Variants in SORBS2 observed in about 807,000 individuals in gnomAD.
SORBS2 encodes sorbin and SH3 domain-containing protein 2.
SORBS2 carries 46 observed loss-of-function variants against 97.7 expected under a neutral mutation model. The ratio of observed to expected loss-of-function variants is 0.47; its 90% confidence interval spans 0.37 to 0.60. SORBS2 has a LOEUF of 0.60. Among genes scored for constraint, SORBS2 ranks in the 20% least tolerant of loss-of-function variants. The pLI, the probability that SORBS2 is intolerant of heterozygous loss-of-function variation, is 0.00. For missense variants in SORBS2, 1,316 were observed against 1,282.3 expected, an observed-to-expected ratio of 1.03 and a Z score of -0.40; for synonymous variants, 476 against 473.4, an observed-to-expected ratio of 1.01 and a Z score of -0.07.
At chr4:185,948,549 G>C (rs532224343) in intron 1 of SORBS2, among the ~76,000 whole-genome samples, 2 of 107,266 alleles carry the variant, frequency 1.9e-5, no homozygotes, top group Admixed American at 1.4e-4. Flanking sequence ...ATAGAGTCTT[G>C]CTCCATTGCC....
rs140799832 is a variant in SORBS2, at chr4:185,750,569, A to G, written c.-198+24658T>C. On this transcript the variant is annotated intron_variant, in intron 2 of 20. Coordinates refer to the SORBS2 transcript ENST00000284776. ...ATCAATTGCTGCTGTGCAGTCCCCA[A>G]CATCCGATCCTTGCTGAAGTTTATT... is the stretch of plus-strand genomic sequence containing the variant. Among the ~76,000 whole-genome samples the G allele has an allele frequency of 1.6e-4, 24 of 152,352 alleles. No homozygotes were observed. In the East Asian group the frequency reaches 3.9e-3, roughly 24 times the overall value.
At chr4:185,622,733 C>T (rs1278668121) in intron 7 of SORBS2, among the ~76,000 whole-genome samples, 181 bp downstream of exon 19, 2 of 152,186 alleles carry the variant, frequency 1.3e-5, no homozygotes, top group Non-Finnish European at 2.9e-5. Flanking sequence ...GTCCAAATAT[C>T]ACATGGGCAA....
At chr4:185,638,379 C>A (rs1352463804) in intron 4 of SORBS2, among the ~76,000 whole-genome samples, 1 of 152,174 alleles carries the variant, frequency 6.6e-6, no homozygotes, top group African/African-American at 2.4e-5. Context: ...CTAGCTGTTT[C>A]CTGCGTCCAT....
intron 11 of SORBS2, among the ~76,000 whole-genome samples, chr4:185,614,323 A>G (rs1175869234): frequency 6.6e-6 from 1 of 151,808 alleles, no homozygotes; most frequent in African/African-American, 2.4e-5. Context: ...AATTTGGGTC[A>G]ATTATGAGGC....
At chr4:185,667,349 G>T (rs1308614600) in intron 4 of SORBS2, among the ~76,000 whole-genome samples, 1 of 152,152 alleles carries the variant, frequency 6.6e-6, no homozygotes, top group African/African-American at 2.4e-5. Context: ...AATGACTGAT[G>T]TCATGCACGT....
chr4:185,848,467 T>C (rs74543062), intron 1 of SORBS2, among the ~76,000 whole-genome samples: 1 of 152,118 alleles, frequency 6.6e-6, no homozygotes, highest in African/African-American at 2.4e-5. Flanking sequence ...GGAAATCAAC[T>C]TGAATGCAAA....
chr4:185,716,825 G>A (rs1372761617), intron 2 of SORBS2, among the ~76,000 whole-genome samples: 1 of 152,156 alleles, frequency 6.6e-6, no homozygotes, highest in East Asian at 1.9e-4. Flanking sequence ...AGGCCCACGG[G>A]GAGGAAACAT....
At chr4:185,694,141 C>G (rs1330277062) in intron 2 of SORBS2, among the ~76,000 whole-genome samples, 1 of 152,208 alleles carries the variant, frequency 6.6e-6, no homozygotes, top group Non-Finnish European at 1.5e-5. Flanking sequence ...TGTGCTAAGT[C>G]CATTAACAAA....
chr4:185,709,382 C>A (rs1481441766), intron 2 of SORBS2, among the ~76,000 whole-genome samples: 1 of 142,462 alleles, frequency 7.0e-6, no homozygotes, highest in African/African-American at 2.6e-5. Flanking sequence ...TTTGTTGACA[C>A]TAAATGGCAG....
At chr4:185,824,448 G>A (rs193282862) in intron 1 of SORBS2, among the ~76,000 whole-genome samples, 257 of 152,198 alleles carry the variant, frequency 1.7e-3, no homozygotes, top group African/African-American at 4.6e-3. Context: ...AAATAAAGTC[G>A]CATTCACAAG....
At chr4:185,923,446 A>G (rs1471295587) in intron 1 of SORBS2, among the ~76,000 whole-genome samples, 1 of 122,280 alleles carries the variant, frequency 8.2e-6, no homozygotes, top group Admixed American at 8.2e-5. Context: ...ACATGCCACC[A>G]TGCTTGGCTA....
chr4:185,954,283 A>G (rs1481927306), intron 1 of SORBS2, among the ~76,000 whole-genome samples: 2 of 152,254 alleles, frequency 1.3e-5, no homozygotes, highest in Non-Finnish European at 1.5e-5. Flanking sequence ...TTTTAAACAT[A>G]GAAATAAGTA....
At position 185,614,725 on chromosome 4, in the gene SORBS2, C is replaced by T. The variant is rs73028058; in HGVS notation, c.2595+106G>A. On this transcript the variant is annotated intron_variant, in intron 11 of 14. Coordinates refer to ENST00000418609, the Ensembl canonical transcript of SORBS2. Reference sequence around the variant, plus strand: ...GAAAATAGGGTAAACATAAAAATGTCTAAAGAAAAAGATAACCTATTTTAG... The same window carrying T: ...GAAAATAGGGTAAACATAAAAATGTTTAAAGAAAAAGATAACCTATTTTAG... 2.4e-3 allele frequency: 3,198 copies of T among 1,357,146 alleles called. 61 individuals are homozygous for T. In the African/African-American group the frequency reaches 0.042, roughly 18 times the overall value. The allele number at this position is 1,357,146 out of a possible 1,614,324, so 84.1% of individuals were successfully genotyped here. A position where few individuals can be genotyped will look rare whatever the true frequency, so the allele number is the denominator to read the frequency against.
intron 1 of SORBS2, among the ~76,000 whole-genome samples, chr4:185,926,766 T>C (rs1242995559): frequency 6.6e-6 from 1 of 152,150 alleles, no homozygotes; most frequent in African/African-American, 2.4e-5. Context: ...AGCTTTTTGA[T>C]GTGGCACAAG....
At chr4:185,820,425 T>C (rs1408150173) in intron 1 of SORBS2, among the ~76,000 whole-genome samples, 2 of 152,350 alleles carry the variant, frequency 1.3e-5, no homozygotes, top group East Asian at 3.9e-4. Flanking sequence ...CCTAGTTCTT[T>C]CCCTCATTTA....
chr4:185,836,809 T>C (rs1364475981), intron 1 of SORBS2, among the ~76,000 whole-genome samples: 1 of 152,192 alleles, frequency 6.6e-6, no homozygotes, highest in African/African-American at 2.4e-5. Flanking sequence ...CTTAAAAGTG[T>C]AGAGACAAAG....
intron 1 of SORBS2, among the ~76,000 whole-genome samples, chr4:185,833,896 T>A (rs2099206502): frequency 6.6e-6 from 1 of 152,196 alleles, no homozygotes. Context: ...ATAAATAGTG[T>A]CTATCTTCCT....
chr4:185,606,782 T>C lies in SORBS2; in HGVS notation c.2796+4998A>G. On this transcript the variant is annotated intron_variant, in intron 12 of 14. Coordinates refer to ENST00000418609, the Ensembl canonical transcript of SORBS2. The surrounding 1 kb of genome is among the most constrained non-coding windows in gnomAD (Gnocchi z 4.3). ...TGAGGTTCTGGCGGCCCTCTCTGGA[T>C]GCCTGACACAATCCCCTCATAGATG... The C allele has an allele frequency of 8.1e-6, 8 of 985,300 alleles. No homozygotes were observed. Among genetic ancestry groups the C allele is most frequent in the Non-Finnish European group, 9.6e-6 (8 of 829,912 alleles). The allele number at this position is 985,300 out of a possible 1,614,324, so 61.0% of individuals were successfully genotyped here. A position where few individuals can be genotyped will look rare whatever the true frequency, so the allele number is the denominator to read the frequency against.
chr4:185,955,931 C>T (rs2099279337), intron 1 of SORBS2, among the ~76,000 whole-genome samples: 2 of 151,582 alleles, frequency 1.3e-5, no homozygotes, highest in South Asian at 2.1e-4. Flanking sequence ...GCATTTGTAA[C>T]CAGCTTACCT....
Sources: gnomAD v4.1 joint callset for allele counts (sites outside exome capture counted in the v4.1 genomes callset) on GRCh38, gnomAD v4.1.1 for gene constraint, Gnocchi (gnomAD v3.1) non-coding constraint, MANE v1.5 for transcripts, NCBI Gene and HGNC (gene_info 2026-07-23, HGNC 2026-07-21) for gene names.